METAP1: variants seen among roughly 807,000 people sequenced by gnomAD.
METAP1 encodes methionine aminopeptidase 1.
A neutral mutation model predicts 53.8 loss-of-function variants in METAP1; 28 were observed. The ratio of observed to expected loss-of-function variants is 0.52; its 90% CI spans 0.39 to 0.71. The LOEUF (loss-of-function observed/expected upper bound fraction) is 0.71. METAP1 is among the 30% of genes least tolerant of loss of function. The probability of loss-of-function intolerance (pLI) is 0.00; values close to 1 mark genes in which losing one functional copy is unlikely to be tolerated. For missense variants in METAP1, 389 were observed against 479.8 expected (o/e 0.81, Z 1.77); for synonymous variants, 181 against 165.7 (o/e 1.09, Z -0.71).
At chr4:99,034,433 A>G (rs1725282344) in intron 3 of METAP1, 91 bp downstream of exon 3, 2 of 760,482 alleles carry the variant, frequency 2.6e-6, no homozygotes, top group Admixed American at 4.3e-5. Context: ...GAATCATATA[A>G]TCAGGATTGT....
chr4:99,053,017 C>A (rs1325077374), intron 9 of METAP1, among the ~76,000 whole-genome samples: 1 of 152,178 alleles, frequency 6.6e-6, no homozygotes, highest in African/African-American at 2.4e-5. Flanking sequence ...GTTCAAGTTT[C>A]ATCATGAGAT....
intron 9 of METAP1, 114 bp from the exon 10 acceptor site, chr4:99,057,639 T>C: frequency 8.2e-6 from 6 of 729,126 alleles, no homozygotes; most frequent in Non-Finnish European, 1.1e-5. Context: ...GGAATCAGGG[T>C]AATTAATTTA....
intron 1 of METAP1, among the ~76,000 whole-genome samples, chr4:99,027,098 T>G (rs114563338): frequency 0.013 from 1,969 of 152,298 alleles, 52 homozygotes; most frequent in African/African-American, 0.044. Context: ...AGTAGCTACT[T>G]TTCAATGAAT....
chr4:99,033,321 A>T (rs915016771), intron 2 of METAP1, among the ~76,000 whole-genome samples: 4 of 152,052 alleles, frequency 2.6e-5, no homozygotes, highest in African/African-American at 9.7e-5. Flanking sequence ...TGGTAGAATG[A>T]CAATAATCAG....
Position 99,028,925 on chromosome 4 carries a change from A to T in METAP1, c.166+7A>T. 1 of 1,532,040 alleles carries T rather than the reference A, an allele frequency of 6.5e-7. No individual in the cohort carries two copies. The highest frequency in any genetic ancestry group is 1.7e-4 in the Middle Eastern group (1 of 5,938). 94.9% of individuals were successfully genotyped at this position (1,532,040 alleles called of 1,614,324 possible). A position where few individuals can be genotyped will look rare whatever the true frequency, so the allele number is the denominator to read the frequency against. On this transcript the variant is annotated splice_region_variant and intron_variant, in intron 2 of 10. Coordinates refer to ENST00000296411, the MANE Select transcript of METAP1 (RefSeq NM_015143.3). ...TTACTACATAAGAAAGCAAGTAAGT[A>T]CAATCACAAATTTTTACACCATTTG...
chr4:99,051,798 A>T lies in METAP1; in HGVS notation c.931+2922A>T, dbSNP rs971438617. Among the ~76,000 whole-genome samples, 104 of 151,740 alleles carry T rather than the reference A, an allele frequency of 6.9e-4. 1 individual carries two copies. Among genetic ancestry groups the T allele is most frequent in the African/African-American group, 2.3e-3 (93 of 41,286 alleles). ...GGGTTTTTTTTTTTGTATAGCAGAG[A>T]TATCTTTTGAAATGTAAATCTCTGC... On this transcript the variant is annotated intron_variant, in intron 9 of 10. Coordinates refer to ENST00000296411, the MANE Select transcript of METAP1 (RefSeq NM_015143.3).
intron 2 of METAP1, among the ~76,000 whole-genome samples, chr4:99,029,994 CTTG>C (rs1470103977): frequency 2.0e-5 from 3 of 152,084 alleles, no homozygotes; most frequent in Non-Finnish European, 4.4e-5. Context: ...AAAGATAGGA[CTTG>C]TTGATTTGTT....
chr4:99,046,310 A>C (rs972446357), intron 8 of METAP1, among the ~76,000 whole-genome samples: 1 of 152,106 alleles, frequency 6.6e-6, no homozygotes, highest in Admixed American at 6.5e-5. Context: ...GCTACTCGGG[A>C]GGCTGAGGCA....
At chr4:99,006,333 C>G (rs1579240170) in intron 1 of METAP1, among the ~76,000 whole-genome samples, 1 of 152,164 alleles carries the variant, frequency 6.6e-6, no homozygotes, top group Non-Finnish European at 1.5e-5. Flanking sequence ...CTGAGTTTCT[C>G]TAGCTTTTTA....
chr4:99,041,067 G>T lies in METAP1; in HGVS notation c.457G>T (p.Ala153Ser). Residue 153 changes from alanine (A) to serine (S), a missense_variant, in exon 6 of 11, where the codon GCT (alanine) becomes TCT (serine). Physicochemically the swap from Ala to Ser is moderately conservative, Grantham distance 99 (BLOSUM62 1). Transcript: ENST00000296411. ...GCTTGCTAGAGAAGTTTTGGATGTT[G>T]CTGCCGGCATGATTAAACCAGGTGT... ...CRLAREVLDVAAGMIKPGVTT... is the reference protein window; with the variant it reads ...CRLAREVLDVSAGMIKPGVTT... The T allele has an allele frequency of 6.2e-7, 1 of 1,608,898 alleles. No homozygotes were observed. The highest frequency in any genetic ancestry group is 8.5e-7 in the Non-Finnish European group (1 of 1,176,820).
chr4:99,022,787 C>T (rs547503355), intron 1 of METAP1: 128 of 1,598,988 alleles, frequency 8.0e-5, no homozygotes, highest in African/African-American at 4.8e-4. Flanking sequence ...CTTGGCTATG[C>T]GCTTGTCACG....
At chr4:99,021,704 A>G (rs1724120324) in intron 1 of METAP1, among the ~76,000 whole-genome samples, 2 of 152,284 alleles carry the variant, frequency 1.3e-5, no homozygotes, top group Non-Finnish European at 2.9e-5. Flanking sequence ...TCCCGTTCCC[A>G]TTGGCTGGGA....
intron 1 of METAP1, among the ~76,000 whole-genome samples, chr4:99,004,208 T>C (rs62323242): frequency 0.022 from 3,335 of 152,268 alleles, 46 homozygotes; most frequent in Non-Finnish European, 0.035. Flanking sequence ...CCAATCCTCT[T>C]GGGTTTTTAT....
intron 1 of METAP1, among the ~76,000 whole-genome samples, chr4:99,000,446 A>G (rs1299073736): frequency 6.6e-6 from 1 of 152,182 alleles, no homozygotes; most frequent in Non-Finnish European, 1.5e-5. Context: ...CTAAGAGAGC[A>G]TCCAGGGTGC....
intron 6 of METAP1, 95 bp from the exon 7 acceptor site, chr4:99,043,154 G>A: frequency 1.1e-6 from 1 of 896,420 alleles, no homozygotes; most frequent in Admixed American, 2.9e-5. Context: ...AGTAGCATGT[G>A]TCCAACTGTT....
chr4:99,059,817 CT>C (rs1302839487), intron 10 of METAP1, among the ~76,000 whole-genome samples: 1 of 152,098 alleles, frequency 6.6e-6, no homozygotes, highest in African/African-American at 2.4e-5. Context: ...GTTTCAACTC[CT>C]GTCCAGACCA....
At chr4:99,010,025 G>T (rs531960565) in intron 1 of METAP1, among the ~76,000 whole-genome samples, 1 of 152,276 alleles carries the variant, frequency 6.6e-6, no homozygotes, top group African/African-American at 2.4e-5. Flanking sequence ...TCATGTTCAG[G>T]TCTTTAATCT....
chr4:99,009,423 T>G (rs1026962042), intron 1 of METAP1, among the ~76,000 whole-genome samples: 1 of 152,352 alleles, frequency 6.6e-6, no homozygotes, highest in Non-Finnish European at 1.5e-5. Context: ...TTGTTTTTAG[T>G]TTTTTGAGGA....
chr4:99,049,858 A>C (rs1319783334), intron 9 of METAP1, among the ~76,000 whole-genome samples: 1 of 152,232 alleles, frequency 6.6e-6, no homozygotes, highest in Non-Finnish European at 1.5e-5. Flanking sequence ...AAAGCATTTA[A>C]TGTTAATGTT....
Sources: gnomAD v4.1 joint callset for allele counts (sites outside exome capture counted in the v4.1 genomes callset) on GRCh38, gnomAD v4.1.1 for gene constraint, MANE v1.5 for transcripts, NCBI Gene and HGNC (gene_info 2026-07-23, HGNC 2026-07-21) for gene names.